Variants in SEPHS1 observed in about 807,000 individuals in gnomAD.
The protein encoded by SEPHS1 is selenophosphate synthetase 1.
In SEPHS1, 7 loss-of-function variants were observed where a neutral mutation model predicts 39.2. The observed-to-expected ratio is 0.18, with a 90% CI of 0.10 to 0.34. The LOEUF is 0.34. SEPHS1 is among the 10% of genes least tolerant of loss of function. The pLI, the probability that SEPHS1 is intolerant of heterozygous loss-of-function variation, is 1.00. For missense variants in SEPHS1, 253 were observed against 514.5 expected (o/e 0.49, Z 4.92); for synonymous variants, 190 against 195.5 (o/e 0.97, Z 0.23).
chr10:13,336,542 C>G, intron 3 of SEPHS1, 192 bp from the exon 4 acceptor site: 1 of 597,042 alleles, frequency 1.7e-6, no homozygotes, highest in African/African-American at 1.8e-5. Context: ...CTAGGCCATT[C>G]GTTTTTTCTC....
rs529464061 is a variant in SEPHS1, at chr10:13,324,960, T to C, written c.752-1913A>G. Among the ~76,000 whole-genome samples the C allele has an allele frequency of 2.0e-4, 30 of 152,336 alleles. 1 individual carries two copies. The highest frequency in any genetic ancestry group is 1.9e-3 in the Admixed American group (29 of 15,294). ...TTATGCTTATTTGCCATCTGCGTTATCTTCTTTCATGGTGTCTGTCAAGGT... is the reference window on the plus strand; with the variant it reads ...TTATGCTTATTTGCCATCTGCGTTACCTTCTTTCATGGTGTCTGTCAAGGT... On this transcript the variant is annotated intron_variant, in intron 7 of 8. Transcript: ENST00000327347.
At chr10:13,335,235 T>TCC (rs1288006102) in intron 4 of SEPHS1, among the ~76,000 whole-genome samples, 1 of 152,068 alleles carries the variant, frequency 6.6e-6, no homozygotes, top group Non-Finnish European at 1.5e-5. Context: ...GGTGGCCCTA[T>TCC]CCCCCGTCAC....
chr10:13,326,290 A>G (rs552118167), intron 7 of SEPHS1, among the ~76,000 whole-genome samples: 38 of 152,230 alleles, frequency 2.5e-4, no homozygotes, highest in African/African-American at 8.2e-4. Context: ...CCTGGCCAAC[A>G]TGGTGAAAAC....
Position 13,344,983 on chromosome 10 carries a change from C to A in SEPHS1, c.-33G>T. The A allele has an allele frequency of 7.1e-7, 1 of 1,414,070 alleles. No individual in the cohort carries two copies. Among genetic ancestry groups the A allele is most frequent in the South Asian group, 1.8e-5 (1 of 54,656 alleles). The allele number at this position is 1,414,070 out of a possible 1,614,324, so 87.6% of individuals were successfully genotyped here. ...GGGCCCCGCTCTCCTCACAGCTCAG[C>A]CCCTCCCCTCCCTCTGCGGGTTGGC... On this transcript the variant is annotated 5_prime_UTR_variant, in exon 2 of 9. Coordinates refer to ENST00000327347, the MANE Select transcript of SEPHS1 (RefSeq NM_012247.5).
In SEPHS1 at chr10:13,347,988, C is replaced by G. The variant is rs1027867806; in HGVS notation, c.-79+12G>C. ...GCCTGCGCCTCCCCCCCGCGCCGGG[C>G]CCGCCGCTTACCGGCTCGCTTTGCG... On this transcript the variant is annotated intron_variant, in intron 1 of 8. Transcript: ENST00000327347. The G allele has an allele frequency of 8.1e-5, 12 of 148,918 alleles. No individual in the cohort carries two copies. Among genetic ancestry groups the G allele is most frequent in the African/African-American group, 2.9e-4 (12 of 40,874 alleles). 9.2% of individuals were successfully genotyped at this position (148,918 alleles called of 1,614,324 possible).
intron 2 of SEPHS1, among the ~76,000 whole-genome samples, chr10:13,339,026 G>A (rs1588546310): frequency 6.6e-6 from 1 of 152,172 alleles, no homozygotes; most frequent in Non-Finnish European, 1.5e-5. Flanking sequence ...TACTCATCAA[G>A]ACTCAACTCC....
chr10:13,332,825 G>A (rs1426885528), intron 5 of SEPHS1, among the ~76,000 whole-genome samples: 6 of 150,582 alleles, frequency 4.0e-5, no homozygotes, highest in African/African-American at 1.5e-4. Context: ...CCTGGGCGAC[G>A]GAGTAAGACT....
chr10:13,327,354 T>C (rs1047164639), intron 7 of SEPHS1, among the ~76,000 whole-genome samples: 9 of 149,764 alleles, frequency 6.0e-5, no homozygotes, highest in Non-Finnish European at 1.2e-4. Flanking sequence ...AACCATTACA[T>C]AGTGAAAACT....
intron 2 of SEPHS1, among the ~76,000 whole-genome samples, chr10:13,341,557 G>C (rs1218976537): frequency 6.6e-6 from 1 of 152,092 alleles, no homozygotes; most frequent in Non-Finnish European, 1.5e-5. Context: ...CTTTAATTAG[G>C]ATACATTTAG....
intron 7 of SEPHS1, among the ~76,000 whole-genome samples, chr10:13,323,522 T>C (rs1195354244): frequency 2.0e-5 from 3 of 151,946 alleles, no homozygotes; most frequent in Non-Finnish European, 2.9e-5. Flanking sequence ...GCCCAGCTAA[T>C]TTCTGTATTT....
intron 4 of SEPHS1, 30 bp downstream of exon 4, chr10:13,336,213 C>G: frequency 6.7e-7 from 1 of 1,503,386 alleles, no homozygotes; most frequent in Non-Finnish European, 9.2e-7. Context: ...ACAACACGGA[C>G]CAGGCAGCAG....
At chr10:13,337,143 T>A (rs117468854) in intron 3 of SEPHS1, among the ~76,000 whole-genome samples, 2,944 of 151,984 alleles carry the variant, frequency 0.019, 40 homozygotes, top group Non-Finnish European at 0.03. Context: ...AGAGCAAGAC[T>A]GTCAATAAAC....
intron 8 of SEPHS1, 129 bp downstream of exon 8, chr10:13,322,706 C>T (rs1588532342): frequency 1.3e-5 from 11 of 821,892 alleles, no homozygotes; most frequent in East Asian, 2.7e-5. Context: ...CCAGCTGCTG[C>T]GGAGGCCGAG....
Position 13,318,965 on chromosome 10 carries a change from T to A in SEPHS1, c.*177A>T. The A allele has an allele frequency of 1.6e-6, 1 of 613,488 alleles. No individual in the cohort carries two copies. Among genetic ancestry groups the A allele is most frequent in the Non-Finnish European group, 2.8e-6 (1 of 356,808 alleles). The allele number at this position is 613,488 out of a possible 1,614,324, so 38.0% of individuals were successfully genotyped here. A position where few individuals can be genotyped will look rare whatever the true frequency, so the allele number is the denominator to read the frequency against. On this transcript the variant is annotated 3_prime_UTR_variant, in exon 9 of 9. Coordinates refer to ENST00000327347, the MANE Select transcript of SEPHS1 (RefSeq NM_012247.5). The stretch of plus-strand genomic sequence containing the variant: ...AGATTAGGTGCATCTTCAGTTAATG[T>A]AACAGGAAAAAAAGGCAATGGATTT...
chr10:13,336,441 G>A (rs772642840), intron 3 of SEPHS1, 91 bp from the exon 4 acceptor site: 13 of 948,468 alleles, frequency 1.4e-5, no homozygotes, highest in Non-Finnish European at 1.9e-5. Flanking sequence ...CACAGAGAAC[G>A]TGGAGACTTT....
At chr10:13,329,546 C>A in intron 6 of SEPHS1, 152 bp downstream of exon 6, 1 of 576,834 alleles carries the variant, frequency 1.7e-6, no homozygotes, top group Non-Finnish European at 3.1e-6. Context: ...TATTTAAAGA[C>A]TATGAACAAT....
At chr10:13,347,594 G>A (rs954597324) in intron 1 of SEPHS1, among the ~76,000 whole-genome samples, 7 of 147,222 alleles carry the variant, frequency 4.8e-5, no homozygotes, top group African/African-American at 9.8e-5. Context: ...CCCGCGCGGA[G>A]AAAAGGGGAG....
chr10:13,320,115 T>C (rs963383879), intron 8 of SEPHS1, among the ~76,000 whole-genome samples: 2 of 152,214 alleles, frequency 1.3e-5, no homozygotes, highest in African/African-American at 4.8e-5. Context: ...TCTGTCATTA[T>C]ATCCAAAAGA....
intron 8 of SEPHS1, chr10:13,322,143 C>CTTTT: frequency 1.6e-5 from 5 of 316,426 alleles, no homozygotes; most frequent in Admixed American, 8.4e-5. Flanking sequence ...ATTCTCTTTT[C>CTTTT]TTTTTTTTTT....
Sources: gnomAD v4.1 joint callset for allele counts (sites outside exome capture counted in the v4.1 genomes callset) on GRCh38, gnomAD v4.1.1 for gene constraint, MANE v1.5 for transcripts, NCBI Gene and HGNC (gene_info 2026-07-23, HGNC 2026-07-21) for gene names.